UPF2: variants seen among roughly 807,000 people sequenced by gnomAD.
The protein encoded by UPF2 is regulator of nonsense transcripts 2.
A neutral mutation model predicts 141.4 loss-of-function variants in UPF2; 17 were observed. That is an observed-to-expected ratio of 0.12 (90% CI 0.08 to 0.18). The LOEUF (loss-of-function observed/expected upper bound fraction) is 0.18, where lower values mean the gene tolerates loss of function less well. UPF2 is among the 10% of genes least tolerant of loss of function. The probability of loss-of-function intolerance (pLI) is 1.00; values close to 1 mark genes in which losing one functional copy is unlikely to be tolerated. For synonymous variants in UPF2, 540 were observed against 498.0 expected, an observed-to-expected ratio of 1.08 and a Z score of -1.12; for missense variants, 1,152 against 1,515.9, an observed-to-expected ratio of 0.76 and a Z score of 3.99.
At chr10:11,957,497 C>T (rs955101087) in intron 12 of UPF2, among the ~76,000 whole-genome samples, 8 of 151,654 alleles carry the variant, frequency 5.3e-5, no homozygotes, top group African/African-American at 1.9e-4. Context: ...CATAATTTGA[C>T]ATAAATAATC....
Position 12,042,688 on chromosome 10 carries a change from G to A in UPF2, c.-19+67C>T, listed in dbSNP as rs117140501. 0.053 allele frequency: 8,065 copies of A among 152,652 alleles called. 281 individuals carry two copies. The highest frequency in any genetic ancestry group is 0.08 in the Non-Finnish European group (5,448 of 68,380). 9.5% of individuals were successfully genotyped at this position (152,652 alleles called of 1,614,324 possible). On this transcript the variant is annotated intron_variant, in intron 1 of 21. Coordinates refer to ENST00000357604, the MANE Select transcript of UPF2 (RefSeq NM_015542.4). This position sits in a 1 kb window ranked among gnomAD's most constrained non-coding sequence, Gnocchi z 5.5. ...CCCCCAGGGAGTAGGAGTCTAGGCC[G>A]GTGCCCCCCAGCCCCATTTCCTCCC...
chr10:12,034,305 A>T (rs566555276), intron 2 of UPF2, among the ~76,000 whole-genome samples: 2 of 152,006 alleles, frequency 1.3e-5, no homozygotes, highest in Admixed American at 1.3e-4. Context: ...ACCATGAAAA[A>T]AAGTTTTTAT....
chr10:11,920,879 T>C lies in UPF2; in HGVS notation c.*419A>G. On this transcript the variant is annotated 3_prime_UTR_variant, in exon 22 of 22. Transcript: ENST00000357604. ...TCTTCTTCCAACGTGGGATGTTCAATTCAGAGACACTGAAACTCAAATCAA... is the reference window on the plus strand; with the variant it reads ...TCTTCTTCCAACGTGGGATGTTCAACTCAGAGACACTGAAACTCAAATCAA... The C allele has an allele frequency of 2.5e-6, 1 of 403,232 alleles. No homozygotes were observed. The highest frequency in any genetic ancestry group is 5.1e-6 in the Non-Finnish European group (1 of 197,244). The allele number at this position is 403,232 out of a possible 1,614,324, so 25.0% of individuals were successfully genotyped here.
At chr10:11,954,248 A>C (rs1301539226) in intron 14 of UPF2, among the ~76,000 whole-genome samples, 1 of 152,190 alleles carries the variant, frequency 6.6e-6, no homozygotes, top group African/African-American at 2.4e-5. Context: ...TATGGAAAAC[A>C]CAACCCAAGA....
At position 11,921,360 on chromosome 10, in the gene UPF2, C is replaced by A; in HGVS notation, c.3810-53G>T. 6.2e-7 allele frequency: 1 copy of A among 1,612,492 alleles called. No individual in the cohort carries two copies. Among genetic ancestry groups the A allele is most frequent in the Non-Finnish European group, 8.5e-7 (1 of 1,178,890 alleles). On this transcript the variant is annotated intron_variant, in intron 21 of 21. Transcript: ENST00000357604. This position sits in a 1 kb window ranked among gnomAD's most constrained non-coding sequence, Gnocchi z 5.9. ...AGAGCTTACTGCCACAGGACAAAGT[C>A]CAGCAAGATGGCGTCTGCAACGCTA...
In UPF2 at chr10:11,994,569, T is replaced by C. The variant is rs532064694; in HGVS notation, c.1844+3103A>G. ...TTCTGGATTTTGAGCTATAGAGCCT[T>C]ATAATTTATTATTTAAAACTGCATA... On this transcript the variant is annotated intron_variant, in intron 8 of 21. Transcript: ENST00000357604. Among the ~76,000 whole-genome samples, 50 of 152,342 alleles carry C rather than the reference T, an allele frequency of 3.3e-4. No individual in the cohort carries two copies. The South Asian group carries it at 5.6e-3, about 17-fold the overall frequency.
Position 11,979,775 on chromosome 10 carries a change from T to C in UPF2, c.1845-610A>G, listed in dbSNP as rs1282685987. On this transcript the variant is annotated intron_variant, in intron 8 of 21. Coordinates refer to ENST00000357604, the MANE Select transcript of UPF2 (RefSeq NM_015542.4). The surrounding 1 kb of genome is among the most constrained non-coding windows in gnomAD (Gnocchi z 6.2). Reference sequence around the variant, plus strand: ...AAAAAATTAGACAGGTATGGTGGCATGCGCCTGTAGTCACAGCTACTCGGG... The same window carrying C: ...AAAAAATTAGACAGGTATGGTGGCACGCGCCTGTAGTCACAGCTACTCGGG... 6.6e-6 allele frequency among the ~76,000 whole-genome samples: 1 copy of C among 152,094 alleles called. No homozygotes were observed. The highest frequency in any genetic ancestry group is 1.5e-5 in the Non-Finnish European group (1 of 68,004).
Position 12,029,271 on chromosome 10 carries a change from C to A in UPF2, c.619G>T (p.Ala207Ser), listed in dbSNP as rs1834473514. The change falls in exon 3 of 22, where the codon GCT (alanine) becomes TCT (serine). Residue 207 changes from alanine (A) to serine (S), a missense_variant. By Grantham distance (99) the Ala-to-Ser change is moderately conservative. Transcript: ENST00000357604. ...TTTAGTTTTGCTTCCACGATGGAAGCTACAGCTTCTGCAATGTATTTGCTT... is the reference window on the plus strand; with the variant it reads ...TTTAGTTTTGCTTCCACGATGGAAGATACAGCTTCTGCAATGTATTTGCTT... ...NLSKYIAEAV[A>S]SIVEAKLKIS... 1 of 1,614,178 alleles carries A rather than the reference C, an allele frequency of 6.2e-7. No individual in the cohort carries two copies. Among genetic ancestry groups the A allele is most frequent in the Non-Finnish European group, 8.5e-7 (1 of 1,180,036 alleles).
At chr10:11,982,563 C>A (rs1435761607) in intron 8 of UPF2, among the ~76,000 whole-genome samples, 3 of 152,168 alleles carry the variant, frequency 2.0e-5, no homozygotes, top group Non-Finnish European at 4.4e-5. Flanking sequence ...CTGTTTTGAC[C>A]CGTTCCGAAT....
chr10:11,998,025 A>G lies in UPF2; in HGVS notation c.1759-268T>C, dbSNP rs775681768. 6.6e-6 allele frequency among the ~76,000 whole-genome samples: 1 copy of G among 152,220 alleles called. No homozygotes were observed. The highest frequency in any genetic ancestry group is 1.5e-5 in the Non-Finnish European group (1 of 68,030). ...AAAGAGAAAGAGACAGGCACAAATT[A>G]TACCCAAGAAGATGGAAGAAGAAGA... On this transcript the variant is annotated intron_variant, in intron 7 of 21. Coordinates refer to ENST00000357604, the MANE Select transcript of UPF2 (RefSeq NM_015542.4). This position sits in a 1 kb window ranked among gnomAD's most constrained non-coding sequence, Gnocchi z 4.5.
chr10:12,024,436 C>A (rs1268692621), intron 3 of UPF2, among the ~76,000 whole-genome samples: 1 of 151,922 alleles, frequency 6.6e-6, no homozygotes, highest in Non-Finnish European at 1.5e-5. Flanking sequence ...ATGGCGAAAC[C>A]CCGTCTCTAC....
In UPF2 at chr10:11,979,405, T is replaced by G. The variant is rs1207820390; in HGVS notation, c.1845-240A>C. ...ATTTACTGCACATCTGTAGTTTTAT[T>G]ATGTAATTTTGATGAAATATGAAAC... On this transcript the variant is annotated intron_variant, in intron 8 of 21. Coordinates refer to ENST00000357604, the MANE Select transcript of UPF2 (RefSeq NM_015542.4). The surrounding 1 kb of genome is among the most constrained non-coding windows in gnomAD (Gnocchi z 6.2). 6.6e-6 allele frequency among the ~76,000 whole-genome samples: 1 copy of G among 152,224 alleles called. No homozygotes were observed. Among genetic ancestry groups the G allele is most frequent in the African/African-American group, 2.4e-5 (1 of 41,450 alleles).
intron 8 of UPF2, among the ~76,000 whole-genome samples, 188 bp downstream of exon 8, chr10:11,997,484 C>A (rs539840892): frequency 2.0e-4 from 30 of 152,080 alleles, no homozygotes; most frequent in African/African-American, 6.7e-4. Flanking sequence ...AGAAATATTC[C>A]CATTAGAGCT....
At chr10:11,975,076 A>G (rs1477116643) in intron 9 of UPF2, among the ~76,000 whole-genome samples, 1 of 152,190 alleles carries the variant, frequency 6.6e-6, no homozygotes, top group Non-Finnish European at 1.5e-5. Context: ...AATGTCAATG[A>G]CTGTAATTTG....
chr10:11,956,410 G>T lies in UPF2; in HGVS notation c.2484C>A (p.Ala828=). The T allele has an allele frequency of 6.2e-7, 1 of 1,614,132 alleles. No individual in the cohort carries two copies. Among genetic ancestry groups the T allele is most frequent in the Non-Finnish European group, 8.5e-7 (1 of 1,180,014 alleles). ...AGAGCACTAGTCCTGCTAAGAGGTT[G>T]GCTACACAATGAATACTATTATATT... The part of the protein sequence containing the change: ...NVKYNSIHCV[A]NLLAGLVLYQ... The change falls in exon 13 of 22, where the codon GCC becomes GCA. Residue 828 remains alanine (A), a synonymous_variant. Transcript: ENST00000357604. The surrounding 1 kb of genome is among the most constrained non-coding windows in gnomAD (Gnocchi z 4.2).
chr10:12,030,045 C>A (rs1376694242), intron 2 of UPF2, among the ~76,000 whole-genome samples: 1 of 151,268 alleles, frequency 6.6e-6, no homozygotes, highest in East Asian at 1.9e-4. Flanking sequence ...AAGCCCAGTA[C>A]TGGAGGTCGA....
At chr10:11,971,278 C>G (rs1247978869) in intron 9 of UPF2, among the ~76,000 whole-genome samples, 1 of 137,674 alleles carries the variant, frequency 7.3e-6, no homozygotes, top group East Asian at 2.1e-4. Flanking sequence ...TTTTTTGAGA[C>G]AGTTTTGCTC....
intron 9 of UPF2, among the ~76,000 whole-genome samples, chr10:11,970,663 T>C (rs993739962): frequency 6.1e-4 from 92 of 151,698 alleles, no homozygotes; most frequent in African/African-American, 2.2e-3. Context: ...AATACAAAAA[T>C]TAGCTGGGCA....
chr10:12,021,106 TGAA>T (rs764985069), intron 3 of UPF2, among the ~76,000 whole-genome samples: 6 of 152,212 alleles, frequency 3.9e-5, no homozygotes, highest in East Asian at 1.9e-4. Context: ...AAGTACAGTA[TGAA>T]GAAGAAGAAA....
Sources: allele counts gnomAD v4.1 joint callset (sites outside exome capture counted in the v4.1 genomes callset), GRCh38; gene constraint gnomAD v4.1.1; non-coding constraint Gnocchi (gnomAD v3.1); transcripts MANE v1.5; gene names NCBI Gene and HGNC (gene_info 2026-07-23, HGNC 2026-07-21).